LRBA: variants seen among roughly 807,000 people sequenced by gnomAD.
LRBA encodes lipopolysaccharide-responsive and beige-like anchor protein.
A neutral mutation model predicts 330.0 loss-of-function variants in LRBA; 176 were observed. That is an observed-to-expected ratio of 0.53 (90% CI 0.47 to 0.60). LRBA has a LOEUF of 0.60. Among genes scored for constraint, LRBA ranks in the 20% least tolerant of loss-of-function variants. The pLI, the probability that LRBA is intolerant of heterozygous loss-of-function variation, is 0.00. For missense variants in LRBA, 3,259 were observed against 3,444.8 expected (o/e 0.95, Z 1.35); for synonymous variants, 1,230 against 1,193.0 (o/e 1.03, Z -0.64).
intron 48 of LRBA, among the ~76,000 whole-genome samples, chr4:150,328,167 A>C (rs1032443665): frequency 6.6e-6 from 1 of 152,240 alleles, no homozygotes; most frequent in African/African-American, 2.4e-5. Context: ...TTCAGAGAAT[A>C]GTAAAGCAAT....
At position 150,849,582 on chromosome 4, in the gene LRBA, A is replaced by G; in HGVS notation, c.4005-7T>C. 6.2e-7 allele frequency: 1 copy of G among 1,608,342 alleles called. No homozygotes were observed. ...AACTGTCTTTGTTGAATGGCTGTCC[A>G]AAGATAAATGATATTTACTGATAAA... On this transcript the variant is annotated splice_region_variant and splice_polypyrimidine_tract_variant and intron_variant, in intron 24 of 56. Coordinates refer to ENST00000651943, the MANE Select transcript of LRBA (RefSeq NM_001364905.1).
intron 47 of LRBA, among the ~76,000 whole-genome samples, chr4:150,394,988 G>A (rs2151915344): frequency 6.6e-6 from 1 of 152,184 alleles, no homozygotes; most frequent in East Asian, 1.9e-4. Flanking sequence ...TGTATCAAAT[G>A]TATAAAAAAG....
Position 150,852,772 on chromosome 4 carries a change from G to T in LRBA, c.2938C>A (p.Pro980Thr), listed in dbSNP as rs1750764106. ...TTTGTGGTGAAATGAGGACAGACAG[G>T]AGAATCCTTCGTATCTGGTTGCTGG... ...GSQQPDTKDSPVCPHFTTNGN... is the reference protein window; with the variant it reads ...GSQQPDTKDSTVCPHFTTNGN... The change falls in exon 23 of 57, where the codon CCT becomes ACT. Residue 980 changes from proline (P) to threonine (T), a missense_variant. Transcript: ENST00000651943. 2.5e-6 allele frequency: 4 copies of T among 1,614,016 alleles called. No homozygotes were observed. The highest frequency in any genetic ancestry group is 3.4e-6 in the Non-Finnish European group (4 of 1,179,938).
intron 52 of LRBA, among the ~76,000 whole-genome samples, chr4:150,308,325 A>G (rs933393610): frequency 6.6e-6 from 1 of 152,218 alleles, no homozygotes; most frequent in African/African-American, 2.4e-5. Context: ...TAGCTGTGGT[A>G]ACGTTGTAGT....
In LRBA at chr4:150,908,706, TC is replaced by T; in HGVS notation, c.1312del (p.Asp438ThrfsTer18). 1 of 1,614,050 alleles carries T rather than the reference TC, an allele frequency of 6.2e-7. No individual in the cohort carries two copies. Among genetic ancestry groups the T allele is most frequent in the Non-Finnish European group, 8.5e-7 (1 of 1,179,930 alleles). ...TGAATGAACAAAAATTGAAGGGTTG[TC>T]CTTAGGAGATGATTCAAGACAAAGC... ...AQLCLESSPK[D>X]NPSIFVHSPH... is the part of the protein sequence containing the mutation. On this transcript the variant is annotated frameshift_variant, in exon 10 of 57. Coordinates refer to ENST00000651943, the MANE Select transcript of LRBA (RefSeq NM_001364905.1). LOFTEE classifies it high-confidence loss of function.
At chr4:150,898,413 T>C (rs1310155423) in intron 14 of LRBA, among the ~76,000 whole-genome samples, 3 of 152,132 alleles carry the variant, frequency 2.0e-5, no homozygotes, top group Non-Finnish European at 1.5e-5. Context: ...AAATCAATTT[T>C]CATGTCTCAA....
chr4:150,507,728 G>A (rs527314564), intron 40 of LRBA, among the ~76,000 whole-genome samples: 11 of 152,264 alleles, frequency 7.2e-5, no homozygotes, highest in Non-Finnish European at 1.6e-4. Context: ...ATTGACAAAT[G>A]GGATCTAATT....
intron 36 of LRBA, among the ~76,000 whole-genome samples, chr4:150,703,956 G>A (rs577402866): frequency 6.6e-6 from 1 of 152,138 alleles, no homozygotes; most frequent in Non-Finnish European, 1.5e-5. Flanking sequence ...TGTAATCCCA[G>A]CAATTGGAGA....
chr4:150,897,775 T>C lies in LRBA; in HGVS notation c.1968A>G (p.Ala656=). ...PNQKEMLSLR[A]FLLMFIKQLV... ...ATTGCTTAATGAACATCAACAAGAA[T>C]GCTCGTAGAGAAAGCATTTCTTTTT... The change falls in exon 15 of 57, where the codon GCA becomes GCG. Residue 656 remains alanine (A), a synonymous_variant. Transcript: ENST00000651943. The C allele has an allele frequency of 1.9e-6, 3 of 1,612,478 alleles. No homozygotes were observed. Among genetic ancestry groups the C allele is most frequent in the Non-Finnish European group, 2.5e-6 (3 of 1,178,916 alleles).
At chr4:150,313,559 C>G (rs1731334010) in intron 51 of LRBA, among the ~76,000 whole-genome samples, 1 of 152,012 alleles carries the variant, frequency 6.6e-6, no homozygotes, top group East Asian at 1.9e-4. Flanking sequence ...AAACTAGGGC[C>G]AAAGGCTGAA....
At chr4:150,568,275 G>A (rs1194577147) in intron 40 of LRBA, among the ~76,000 whole-genome samples, 1 of 152,158 alleles carries the variant, frequency 6.6e-6, no homozygotes, top group Non-Finnish European at 1.5e-5. Flanking sequence ...CAGATTGGGG[G>A]CCAATGTGAA....
At position 150,428,278 on chromosome 4, in the gene LRBA, C is replaced by A. The variant is rs115507441; in HGVS notation, c.7041+7311G>T. Among the ~76,000 whole-genome samples, 644 of 152,074 alleles carry A rather than the reference C, an allele frequency of 4.2e-3. 7 individuals carry two copies. Among genetic ancestry groups the A allele is most frequent in the African/African-American group, 0.015 (614 of 41,514 alleles). ...CTTAATACACTCACCACTAATGATG[C>A]ACATTAAATTATAAAATAGGTTTTT... On this transcript the variant is annotated intron_variant, in intron 46 of 56. Transcript: ENST00000651943.
intron 36 of LRBA, among the ~76,000 whole-genome samples, chr4:150,710,113 T>G (rs1340339519): frequency 6.6e-6 from 1 of 152,092 alleles, no homozygotes; most frequent in African/African-American, 2.4e-5. Flanking sequence ...GACAAGAGAT[T>G]ACTCCAAATG....
At chr4:150,704,900 T>C (rs556159784) in intron 36 of LRBA, among the ~76,000 whole-genome samples, 15 of 152,298 alleles carry the variant, frequency 9.8e-5, no homozygotes, top group Admixed American at 3.9e-4. Context: ...AAAGTCATTT[T>C]TATAGACTAA....
At chr4:150,278,453 G>A (rs1219392805) in intron 55 of LRBA, among the ~76,000 whole-genome samples, 2 of 123,098 alleles carry the variant, frequency 1.6e-5, no homozygotes, top group Non-Finnish European at 3.8e-5. Context: ...CAGCAGCCTC[G>A]GCACCTTCCC....
chr4:150,838,548 C>A (rs1748532507), intron 28 of LRBA, among the ~76,000 whole-genome samples: 1 of 152,196 alleles, frequency 6.6e-6, no homozygotes. Context: ...ATTTGATCTT[C>A]AATCACTGAC....
intron 37 of LRBA, among the ~76,000 whole-genome samples, chr4:150,665,166 A>G (rs893281079): frequency 6.6e-6 from 1 of 152,130 alleles, no homozygotes; most frequent in Non-Finnish European, 1.5e-5. Context: ...ACATATCACA[A>G]TGTGTGAAAT....
intron 14 of LRBA, among the ~76,000 whole-genome samples, chr4:150,899,307 T>C (rs1300086697): frequency 6.6e-6 from 1 of 152,218 alleles, no homozygotes; most frequent in East Asian, 1.9e-4. Context: ...TGCTTGCTAC[T>C]ACAAAGGAAG....
intron 47 of LRBA, among the ~76,000 whole-genome samples, chr4:150,406,597 A>C (rs1746225119): frequency 6.6e-6 from 1 of 152,214 alleles, no homozygotes; most frequent in South Asian, 2.1e-4. Context: ...AAAAACAAAC[A>C]GAGACAATTT....
Sources: gnomAD v4.1 joint callset for allele counts (sites outside exome capture counted in the v4.1 genomes callset) on GRCh38, gnomAD v4.1.1 for gene constraint, MANE v1.5 for transcripts, NCBI Gene and HGNC (gene_info 2026-07-23, HGNC 2026-07-21) for gene names.